PIGV: variants seen among roughly 807,000 people sequenced by gnomAD.
PIGV encodes GPI alpha-1,6-mannosyltransferase 2.
In PIGV, 27 loss-of-function variants were observed where a neutral mutation model predicts 39.2. The observed-to-expected ratio is 0.69, with a 90% confidence interval of 0.51 to 0.95. The LOEUF is 0.95. Among genes scored for constraint, PIGV ranks in the 40% least tolerant of loss-of-function variants. PIGV has a pLI of 0.00. For synonymous variants in PIGV, 232 were observed against 241.7 expected (o/e 0.96, Z 0.37); for missense variants, 523 against 586.4 (o/e 0.89, Z 1.12).
chr1:26,796,913 G>A (rs1434433666), intron 3 of PIGV, among the ~76,000 whole-genome samples: 1 of 152,126 alleles, frequency 6.6e-6, no homozygotes, highest in African/African-American at 2.4e-5. Context: ...CCCACCCTGG[G>A]GACATCTTTT....
Position 26,790,868 on chromosome 1 carries a change from G to C in PIGV, c.53G>C (p.Cys18Ser). Reference sequence around the variant, plus strand: ...GAGGTGCTGAGGTTTGCAGTCAGCTGCCGTATCCTGACTCTGATGCTGCAG... The same window carrying C: ...GAGGTGCTGAGGTTTGCAGTCAGCTCCCGTATCCTGACTCTGATGCTGCAG... ...RKEVLRFAVS[C>S]RILTLMLQAL... Residue 18 changes from cysteine (C) to serine (S), a missense_variant, in exon 2 of 4, where the codon TGC (cysteine) becomes TCC (serine). Transcript: ENST00000674202. 6.2e-7 allele frequency: 1 copy of C among 1,614,020 alleles called. No homozygotes were observed. The highest frequency in any genetic ancestry group is 2.2e-5 in the East Asian group (1 of 44,884).
At chr1:26,791,263 T>C (rs2081305445) in intron 2 of PIGV, among the ~76,000 whole-genome samples, 1 of 152,200 alleles carries the variant, frequency 6.6e-6, no homozygotes, top group African/African-American at 2.4e-5. Context: ...AGTATTGCCC[T>C]GTGTCCCCTT....
intron 3 of PIGV, 50 bp downstream of exon 3, chr1:26,795,284 C>CT: frequency 2.5e-6 from 4 of 1,607,878 alleles, no homozygotes; most frequent in Non-Finnish European, 3.4e-6. Context: ...GGCAAAACCC[C>CT]TTGGCCAAGG....
At chr1:26,788,619 C>T (rs2081270838) in intron 1 of PIGV, 1 of 152,222 alleles carries the variant, frequency 6.6e-6, no homozygotes, top group African/African-American at 2.4e-5. Flanking sequence ...GGGATGCGGG[C>T]TGGTACCGTG....
Position 26,800,080 on chromosome 1 carries a change from A to C in PIGV, c.*2236A>C, listed in dbSNP as rs576982644. On this transcript the variant is annotated 3_prime_UTR_variant, in exon 4 of 4. Coordinates refer to ENST00000674202, the MANE Select transcript of PIGV (RefSeq NM_017837.4). ...GTCACTGCTCTGGCAGTCTCAGTTT[A>C]ACCTTCACACTAGATCTCATCATGC... is the stretch of plus-strand genomic sequence containing the variant. Among the ~76,000 whole-genome samples the C allele has an allele frequency of 1.3e-5, 2 of 152,130 alleles. No individual in the cohort carries two copies. Among genetic ancestry groups the C allele is most frequent in the Non-Finnish European group, 2.9e-5 (2 of 68,024 alleles).
At position 26,794,178 on chromosome 1, in the gene PIGV, C is replaced by G; in HGVS notation, c.144C>G (p.Pro48=). Residue 48 remains proline, a synonymous_variant, in exon 3 of 4, where the codon CCC becomes CCG. Transcript: ENST00000674202. The stretch of plus-strand genomic sequence containing the variant: ...CCTTCTCTCCTCCTCGCCTGGCCCC[C>G]TCAGGCTTTGTGGACCAACTCGTGG... ...AEAFSPPRLA[P]SGFVDQLVEG... is the part of the protein sequence containing the mutation. The G allele has an allele frequency of 6.2e-7, 1 of 1,614,242 alleles. No homozygotes were observed. The highest frequency in any genetic ancestry group is 8.5e-7 in the Non-Finnish European group (1 of 1,180,046).
intron 3 of PIGV, among the ~76,000 whole-genome samples, chr1:26,797,134 C>T (rs1024325920): frequency 2.0e-5 from 3 of 152,194 alleles, no homozygotes; most frequent in South Asian, 4.1e-4. Context: ...TGTGTCTGAA[C>T]TCCAATAGGA....
chr1:26,794,646 C>A lies in PIGV; in HGVS notation c.612C>A (p.Ser204=), dbSNP rs1557628417. The A allele has an allele frequency of 6.2e-7, 1 of 1,614,274 alleles. No individual in the cohort carries two copies. Among genetic ancestry groups the A allele is most frequent in the East Asian group, 2.2e-5 (1 of 44,888 alleles). ...LLFAFATGVR[S]NGLVSVGFLM... ...TTGCCTTTGCCACTGGGGTACGCTCCAACGGGCTGGTCAGTGTTGGCTTCC... is the reference window on the plus strand; with the variant it reads ...TTGCCTTTGCCACTGGGGTACGCTCAAACGGGCTGGTCAGTGTTGGCTTCC... The change falls in exon 3 of 4, where the codon TCC becomes TCA. Residue 204 remains serine (S), a synonymous_variant. Transcript: ENST00000674202.
At chr1:26,788,765 T>C (rs536202474) in intron 1 of PIGV, 1 of 152,360 alleles carries the variant, frequency 6.6e-6, no homozygotes, top group Non-Finnish European at 1.5e-5. Flanking sequence ...TGATGAGATC[T>C]CTGGAGCCTA....
chr1:26,795,140 A>C lies in PIGV; in HGVS notation c.1106A>C (p.Lys369Thr). 6.2e-7 allele frequency: 1 copy of C among 1,614,104 alleles called. No individual in the cohort carries two copies. The highest frequency in any genetic ancestry group is 8.5e-7 in the Non-Finnish European group (1 of 1,180,016). Residue 369 changes from lysine to threonine, a missense_variant, in exon 3 of 4, where the codon AAG (lysine) becomes ACG (threonine). Physicochemically the swap from Lys to Thr is moderately conservative, Grantham distance 78. Coordinates refer to ENST00000674202, the MANE Select transcript of PIGV (RefSeq NM_017837.4). ...QRSKNNKTLE[K>T]PDLGFLSPQV... The stretch of plus-strand genomic sequence containing the variant: ...AGCAAGAACAATAAGACCCTAGAGA[A>C]GCCCGATCTTGGATTCCTCAGTCCT...
chr1:26,797,474 C>T, intron 3 of PIGV, 89 bp from the exon 4 acceptor site: 2 of 1,003,916 alleles, frequency 2.0e-6, no homozygotes, highest in Non-Finnish European at 3.2e-6. Flanking sequence ...CCATAGTTCA[C>T]CCAGCAGTAG....
Position 26,794,893 on chromosome 1 carries a change from A to G in PIGV, c.859A>G (p.Ile287Val), listed in dbSNP as rs1426424430. 1 of 1,614,162 alleles carries G rather than the reference A, an allele frequency of 6.2e-7. No homozygotes were observed. Among genetic ancestry groups the G allele is most frequent in the Admixed American group, 1.7e-5 (1 of 60,030 alleles). ...VQLAVDKGYR[I>V]AEGNEPPWCF... ...GTTAGCTGTAGACAAGGGCTACCGG[A>G]TTGCAGAGGGAAATGAACCGCCTTG... Residue 287 changes from isoleucine to valine, a missense_variant, in exon 3 of 4, where the codon ATT becomes GTT. Transcript: ENST00000674202.
upstream of PIGV, chr1:26,787,649 G>A (rs1258535422): frequency 6.6e-6 from 1 of 152,328 alleles, no homozygotes; most frequent in African/African-American, 2.4e-5. Context: ...CCGACTACAA[G>A]AGCCTCGGCC....
chr1:26,795,356 A>G, intron 3 of PIGV, 122 bp downstream of exon 3: 1 of 1,180,482 alleles, frequency 8.5e-7, no homozygotes, highest in Non-Finnish European at 1.2e-6. Flanking sequence ...TCATTCAATG[A>G]CTATTTAGGG....
At chr1:26,793,456 T>C (rs922937686) in intron 2 of PIGV, among the ~76,000 whole-genome samples, 27 of 152,190 alleles carry the variant, frequency 1.8e-4, no homozygotes, top group African/African-American at 6.3e-4. Context: ...TTTAACAGAG[T>C]TGATCACTCC....
rs1411244783 is a variant in PIGV, at chr1:26,794,723, C to A, written c.689C>A (p.Pro230His). Reference protein sequence around the residue: ...GFFSSLTMLNPLRQLFKLMAS... With the variant: ...GFFSSLTMLNHLRQLFKLMAS... Reference sequence around the variant, plus strand: ...TTCTCTTCTCTAACGATGCTGAATCCTCTGAGACAGCTCTTTAAGCTGATG... The same window carrying A: ...TTCTCTTCTCTAACGATGCTGAATCATCTGAGACAGCTCTTTAAGCTGATG... The change falls in exon 3 of 4, where the codon CCT (proline) becomes CAT (histidine). Residue 230 changes from proline (P) to histidine (H), a missense_variant. Transcript: ENST00000674202. The A allele has an allele frequency of 6.2e-7, 1 of 1,614,104 alleles. No homozygotes were observed. The highest frequency in any genetic ancestry group is 8.5e-7 in the Non-Finnish European group (1 of 1,180,056).
At chr1:26,792,290 C>T (rs548177718) in intron 2 of PIGV, among the ~76,000 whole-genome samples, 14 of 151,906 alleles carry the variant, frequency 9.2e-5, no homozygotes, top group African/African-American at 3.4e-4. Context: ...GTAGCTGAGG[C>T]GCCCGCCACC....
Position 26,790,762 on chromosome 1 carries a change from C to A in PIGV, c.-54C>A. ...ATTTTCCTCCTTTGGGGTTTAGAGG[C>A]CTGAGGGAGCTCAATCCTGGTAGCA... On this transcript the variant is annotated 5_prime_UTR_variant, in exon 2 of 4. Transcript: ENST00000674202. 1.4e-6 allele frequency: 2 copies of A among 1,421,388 alleles called. No individual in the cohort carries two copies. Among genetic ancestry groups the A allele is most frequent in the Non-Finnish European group, 2.0e-6 (2 of 1,004,154 alleles). 88.0% of individuals were successfully genotyped at this position (1,421,388 alleles called of 1,614,324 possible).
upstream of PIGV, among the ~76,000 whole-genome samples, chr1:26,787,170 T>C (rs888139393): frequency 7.2e-5 from 11 of 152,218 alleles, no homozygotes; most frequent in Non-Finnish European, 1.5e-4. Flanking sequence ...TTATCATCTG[T>C]TTCCTTTAAG....
Sources: gnomAD v4.1 joint callset for allele counts (sites outside exome capture counted in the v4.1 genomes callset) on GRCh38, gnomAD v4.1.1 for gene constraint, MANE v1.5 for transcripts, NCBI Gene and HGNC (gene_info 2026-07-23, HGNC 2026-07-21) for gene names.